OXCT1: variants seen among roughly 807,000 people sequenced by gnomAD.
OXCT1 encodes the protein succinyl-CoA:3-ketoacid coenzyme A transferase 1, mitochondrial.
A neutral mutation model predicts 69.6 loss-of-function variants in OXCT1; 27 were observed. That is an observed-to-expected ratio of 0.39 (90% CI 0.29 to 0.54). OXCT1 has a LOEUF of 0.54. Ranked by LOEUF, OXCT1 falls within the 20% of genes least tolerant of loss-of-function variation. The pLI, the probability that OXCT1 is intolerant of heterozygous loss-of-function variation, is 0.72. For missense variants in OXCT1, 437 were observed against 650.2 expected, an observed-to-expected ratio of 0.67 and a Z score of 3.57; for synonymous variants, 202 against 217.8, an observed-to-expected ratio of 0.93 and a Z score of 0.64.
At chr5:41,825,228 G>A (rs530656574) in intron 7 of OXCT1, among the ~76,000 whole-genome samples, 5 of 152,228 alleles carry the variant, frequency 3.3e-5, no homozygotes, top group African/African-American at 1.2e-4. Flanking sequence ...CTATACTTTT[G>A]GACATGAGTG....
intron 7 of OXCT1, among the ~76,000 whole-genome samples, chr5:41,836,480 A>G (rs1446925564): frequency 6.6e-6 from 1 of 152,194 alleles, no homozygotes; most frequent in Non-Finnish European, 1.5e-5. Flanking sequence ...CTATGGTTTT[A>G]CACAACTCAT....
chr5:41,810,900 C>T lies in OXCT1; in HGVS notation c.733-3462G>A, dbSNP rs796186927. Reference sequence around the variant, plus strand: ...CACCTGCAAAACTCTGTGTACGATACAAAGTAAGGGCTGTTGAGGGGGAGG... The same window carrying T: ...CACCTGCAAAACTCTGTGTACGATATAAAGTAAGGGCTGTTGAGGGGGAGG... On this transcript the variant is annotated intron_variant, in intron 7 of 16. Transcript: ENST00000196371. 1.8e-4 allele frequency among the ~76,000 whole-genome samples: 28 copies of T among 151,790 alleles called. 1 individual carries two copies. Among genetic ancestry groups the T allele is most frequent in the African/African-American group, 6.8e-4 (28 of 41,434 alleles).
At chr5:41,763,159 C>T (rs1472876830) in intron 13 of OXCT1, among the ~76,000 whole-genome samples, 7 of 152,054 alleles carry the variant, frequency 4.6e-5, no homozygotes, top group African/African-American at 1.4e-4. Flanking sequence ...CTTTAAAACA[C>T]GGTCTCGAAT....
chr5:41,767,722 GTATATATATATATA>G (rs367584226), intron 13 of OXCT1, among the ~76,000 whole-genome samples: 32 of 89,956 alleles, frequency 3.6e-4, no homozygotes, highest in South Asian at 1.2e-3. Flanking sequence ...ATATGTGTGT[GTATATATATATATA>G]TATATATATA....
intron 4 of OXCT1, among the ~76,000 whole-genome samples, chr5:41,851,008 G>C (rs1430828061): frequency 6.6e-6 from 1 of 152,164 alleles, no homozygotes; most frequent in Non-Finnish European, 1.5e-5. Flanking sequence ...CTAGTCAGTA[G>C]TTAAAAATTG....
chr5:41,750,136 T>G (rs866535854), intron 14 of OXCT1, among the ~76,000 whole-genome samples: 725 of 49,870 alleles, frequency 0.015, 1 homozygote, highest in African/African-American at 0.049. Context: ...TGTTTTTTGG[T>G]TTTTTTTTTT....
At chr5:41,846,890 GA>G (rs1178973611) in intron 5 of OXCT1, among the ~76,000 whole-genome samples, 1 of 152,148 alleles carries the variant, frequency 6.6e-6, no homozygotes, top group Admixed American at 6.6e-5. Context: ...CAGTGATGGT[GA>G]GCATTTTTTC....
At chr5:41,827,072 T>C (rs1235823720) in intron 7 of OXCT1, among the ~76,000 whole-genome samples, 3 of 152,146 alleles carry the variant, frequency 2.0e-5, no homozygotes, top group Admixed American at 6.6e-5. Flanking sequence ...CAAGCCACCA[T>C]TCAAGCTCTC....
rs1188763654 is a variant in OXCT1 at position 41,842,779 on chromosome 5, C to A, written c.567G>T (p.Val189=). The part of the protein sequence containing the change: ...SVAIASKPRE[V]REFNGQHFIL... ...TAAAGTGCTGACCATTGAACTCCCT[C>A]ACCTGCAGAAGAGGGAGAAGGCATC... Residue 189 remains valine (V), a splice_region_variant and synonymous_variant, in exon 6 of 17, where the codon GTG becomes GTT. Coordinates refer to ENST00000196371, the MANE Select transcript of OXCT1 (RefSeq NM_000436.4). The A allele has an allele frequency of 6.2e-7, 1 of 1,604,558 alleles. No homozygotes were observed. The highest frequency in any genetic ancestry group is 1.1e-5 in the South Asian group (1 of 90,902).
At chr5:41,868,221 G>T (rs2112492070) in intron 1 of OXCT1, among the ~76,000 whole-genome samples, 1 of 152,278 alleles carries the variant, frequency 6.6e-6, no homozygotes, top group East Asian at 1.9e-4. Flanking sequence ...AAAACTCAAG[G>T]TTTCTGTTTG....
intron 13 of OXCT1, among the ~76,000 whole-genome samples, chr5:41,769,964 T>C (rs1194491951): frequency 6.6e-6 from 1 of 152,140 alleles, no homozygotes; most frequent in Non-Finnish European, 1.5e-5. Flanking sequence ...TTCACCATGT[T>C]GGTCAGGCTG....
chr5:41,866,353 C>T (rs532043015), intron 1 of OXCT1, among the ~76,000 whole-genome samples: 18 of 152,120 alleles, frequency 1.2e-4, no homozygotes, highest in Non-Finnish European at 8.8e-5. Context: ...AAGACATAGG[C>T]CTTAGCTTTA....
At chr5:41,749,230 C>T (rs1414144160) in intron 15 of OXCT1, among the ~76,000 whole-genome samples, 8 of 152,044 alleles carry the variant, frequency 5.3e-5, no homozygotes, top group Admixed American at 3.9e-4. Flanking sequence ...GCATATATCA[C>T]CATCCAGCCT....
chr5:41,763,173 A>G (rs1744429411), intron 13 of OXCT1, among the ~76,000 whole-genome samples: 1 of 152,126 alleles, frequency 6.6e-6, no homozygotes, highest in Non-Finnish European at 1.5e-5. Context: ...CTCGAATTCC[A>G]TGATTTTGGA....
chr5:41,848,106 A>G (rs1242974872), intron 5 of OXCT1, among the ~76,000 whole-genome samples: 2 of 147,048 alleles, frequency 1.4e-5, no homozygotes, highest in Admixed American at 1.4e-4. Context: ...ATCAATGTAC[A>G]AAAATCACAA....
intron 13 of OXCT1, among the ~76,000 whole-genome samples, chr5:41,784,331 T>G (rs2112192453): frequency 6.6e-6 from 1 of 152,284 alleles, no homozygotes. Context: ...CTTTAGAATT[T>G]GGGTGAAAGC....
chr5:41,765,317 T>C (rs1469306858), intron 13 of OXCT1, among the ~76,000 whole-genome samples: 1 of 152,170 alleles, frequency 6.6e-6, no homozygotes, highest in Non-Finnish European at 1.5e-5. Flanking sequence ...TCATGTTTTT[T>C]CACGTTCTGC....
At chr5:41,744,699 CT>C (rs1371444264) in intron 15 of OXCT1, among the ~76,000 whole-genome samples, 1 of 152,032 alleles carries the variant, frequency 6.6e-6, no homozygotes, top group African/African-American at 2.4e-5. Context: ...TGTCAAAGGC[CT>C]TTTCTGCATC....
chr5:41,866,201 C>T (rs780570120), intron 1 of OXCT1, among the ~76,000 whole-genome samples: 26 of 152,234 alleles, frequency 1.7e-4, no homozygotes, highest in Middle Eastern at 3.4e-3. Flanking sequence ...ACCAACTTGT[C>T]ATTTATTGGA....
Sources: allele counts gnomAD v4.1 joint callset (sites outside exome capture counted in the v4.1 genomes callset), GRCh38; gene constraint gnomAD v4.1.1; transcripts MANE v1.5; gene names NCBI Gene and HGNC (gene_info 2026-07-23, HGNC 2026-07-21).